The following NIPBL variants were observed in gnomAD, a reference collection of about 807,000 sequenced individuals.
NIPBL encodes the protein nipped-B-like protein.
A neutral mutation model predicts 321.8 loss-of-function variants in NIPBL; 19 were observed. That is an observed-to-expected ratio of 0.06 (90% CI 0.04 to 0.09). NIPBL has a LOEUF of 0.09. NIPBL is among the 10% of genes least tolerant of loss of function. The probability of loss-of-function intolerance (pLI) is 1.00; values close to 1 mark genes in which losing one functional copy is unlikely to be tolerated. For synonymous variants in NIPBL, 1,106 were observed against 1,114.1 expected (o/e 0.99, Z 0.14); for missense variants, 2,210 against 3,327.0 (o/e 0.66, Z 8.26).
intron 24 of NIPBL, 101 bp downstream of exon 24, chr5:37,017,263 A>G: frequency 8.3e-7 from 1 of 1,197,724 alleles, no homozygotes. Context: ...GATTCAAAAT[A>G]AGATTTTTAC....
chr5:37,037,496 C>T (rs183578538), intron 33 of NIPBL, among the ~76,000 whole-genome samples: 5 of 149,924 alleles, frequency 3.3e-5, no homozygotes, highest in Admixed American at 1.3e-4. Context: ...CATTACTTCC[C>T]ATCTAATGCA....
intron 8 of NIPBL, among the ~76,000 whole-genome samples, chr5:36,973,738 G>A (rs577721379): frequency 6.6e-6 from 1 of 152,086 alleles, no homozygotes; most frequent in South Asian, 2.1e-4. Context: ...CAAAGTGCTG[G>A]GATTACAGGC....
At chr5:37,038,431 A>G (rs566735035) in intron 33 of NIPBL, among the ~76,000 whole-genome samples, 171 bp from the exon 34 acceptor site, 1 of 152,228 alleles carries the variant, frequency 6.6e-6, no homozygotes, top group Admixed American at 6.5e-5. Context: ...TCTATATCAA[A>G]GAAAAAATGA....
At chr5:37,001,567 C>T (rs1407873266) in intron 14 of NIPBL, among the ~76,000 whole-genome samples, 1 of 152,056 alleles carries the variant, frequency 6.6e-6, no homozygotes, top group Non-Finnish European at 1.5e-5. Context: ...AAATAAGCAT[C>T]TATTCTTCTG....
chr5:36,986,697 C>G (rs1392965222), intron 10 of NIPBL, among the ~76,000 whole-genome samples: 3 of 151,990 alleles, frequency 2.0e-5, no homozygotes, highest in Non-Finnish European at 4.4e-5. Flanking sequence ...GTGTCTGAGC[C>G]AATTATTGAT....
At chr5:36,976,724 C>CATTAATATTG (rs1418172065) in intron 9 of NIPBL, among the ~76,000 whole-genome samples, 1 of 152,066 alleles carries the variant, frequency 6.6e-6, no homozygotes, top group African/African-American at 2.4e-5. Flanking sequence ...TCACAAGTTA[C>CATTAATATTG]ATTAATATTG....
At chr5:37,055,528 G>C (rs1218908511) in intron 42 of NIPBL, among the ~76,000 whole-genome samples, 1 of 152,032 alleles carries the variant, frequency 6.6e-6, no homozygotes, top group Non-Finnish European at 1.5e-5. Context: ...GAGTTGGCTT[G>C]AGGAGTACAT....
At chr5:37,024,499 A>G in intron 29 of NIPBL, 86 bp from the exon 30 acceptor site, 3 of 1,115,056 alleles carry the variant, frequency 2.7e-6, no homozygotes, top group Non-Finnish European at 4.0e-6. Flanking sequence ...AATAGTGAAT[A>G]TACTGCGTAT....
chr5:36,903,332 C>A (rs1319336697), intron 1 of NIPBL, among the ~76,000 whole-genome samples: 1 of 152,132 alleles, frequency 6.6e-6, no homozygotes, highest in African/African-American at 2.4e-5. Flanking sequence ...GAGAGGGCAT[C>A]CTTGTCTTGT....
intron 6 of NIPBL, among the ~76,000 whole-genome samples, chr5:36,968,071 G>A (rs550468689): frequency 1.5e-5 from 2 of 137,194 alleles, no homozygotes; most frequent in Admixed American, 1.6e-4. Context: ...ACTCTAGCCT[G>A]GACAACAGAG....
rs563750980 is a variant in NIPBL, at chr5:37,007,594, T to C, written c.4239+120T>C. 8 of 686,784 alleles carry C rather than the reference T, an allele frequency of 1.2e-5. No individual in the cohort carries two copies. The South Asian group carries it at 1.6e-4, about 14-fold the overall frequency. The allele number at this position is 686,784 out of a possible 1,614,324, so 42.5% of individuals were successfully genotyped here. Reference sequence around the variant, plus strand: ...TATCAAGAATTTTTCCTGTTAAGAGTATGTTATATCTAAATCGAAGAAATA... The same window carrying C: ...TATCAAGAATTTTTCCTGTTAAGAGCATGTTATATCTAAATCGAAGAAATA... On this transcript the variant is annotated intron_variant, in intron 18 of 46. Coordinates refer to ENST00000282516, the MANE Select transcript of NIPBL (RefSeq NM_133433.4).
intron 1 of NIPBL, among the ~76,000 whole-genome samples, chr5:36,931,983 A>G (rs890689776): frequency 6.6e-6 from 1 of 152,012 alleles, no homozygotes; most frequent in Non-Finnish European, 1.5e-5. Flanking sequence ...GAAGTTTAAT[A>G]TGTTGTGATT....
At chr5:36,989,839 CAAAAAAAAA>C (rs374278669) in intron 10 of NIPBL, among the ~76,000 whole-genome samples, 1 of 73,452 alleles carries the variant, frequency 1.4e-5, no homozygotes, top group Non-Finnish European at 2.6e-5. Context: ...ACTCTGTCTC[CAAAAAAAAA>C]AAAAAAAAAA....
intron 1 of NIPBL, among the ~76,000 whole-genome samples, chr5:36,921,003 A>T (rs74991224): frequency 6.6e-6 from 1 of 151,960 alleles, no homozygotes; most frequent in African/African-American, 2.4e-5. Flanking sequence ...ACATTTTACC[A>T]TGGGTTAGGT....
At chr5:37,022,437 T>G in intron 29 of NIPBL, 47 bp downstream of exon 29, 1 of 1,529,540 alleles carries the variant, frequency 6.5e-7, no homozygotes, top group Non-Finnish European at 8.9e-7. Context: ...ATTTTGCCTT[T>G]CAAGCATCAT....
intron 21 of NIPBL, among the ~76,000 whole-genome samples, chr5:37,014,074 G>A (rs1214254692): frequency 3.3e-5 from 5 of 152,244 alleles, no homozygotes; most frequent in South Asian, 4.1e-4. Context: ...CAGGCGTGGC[G>A]GTGCGCTCCT....
At chr5:36,956,068 A>G (rs1740905754) in intron 3 of NIPBL, among the ~76,000 whole-genome samples, 1 of 150,152 alleles carries the variant, frequency 6.7e-6, no homozygotes, top group Non-Finnish European at 1.5e-5. Context: ...AAAAATACAA[A>G]AAAAAAAAAA....
At chr5:37,011,481 G>A (rs1561154338) in intron 21 of NIPBL, among the ~76,000 whole-genome samples, 2 of 152,154 alleles carry the variant, frequency 1.3e-5, no homozygotes, top group African/African-American at 4.8e-5. Flanking sequence ...ATTGAGCCTT[G>A]AGAGATCGAG....
intron 36 of NIPBL, 106 bp downstream of exon 36, chr5:37,044,835 T>A: frequency 1.3e-6 from 1 of 789,532 alleles, no homozygotes; most frequent in Non-Finnish European, 2.2e-6. Flanking sequence ...AATTATGAGG[T>A]GTGATTATCC....
Sources: gnomAD v4.1 joint callset for allele counts (sites outside exome capture counted in the v4.1 genomes callset) on GRCh38, gnomAD v4.1.1 for gene constraint, MANE v1.5 for transcripts, NCBI Gene and HGNC (gene_info 2026-07-23, HGNC 2026-07-21) for gene names.